Variants in PARP8 observed in about 807,000 individuals in gnomAD.
The protein encoded by PARP8 is protein mono-ADP-ribosyltransferase PARP8.
A neutral mutation model predicts 124.1 loss-of-function variants in PARP8; 51 were observed. The observed-to-expected ratio is 0.41, with a 90% CI of 0.33 to 0.52. The LOEUF is 0.52. Ranked by LOEUF, PARP8 falls within the 20% of genes least tolerant of loss-of-function variation. PARP8 has a pLI of 0.21. For missense variants in PARP8, 860 were observed against 1,018.9 expected, an observed-to-expected ratio of 0.84 and a Z score of 2.12; for synonymous variants, 391 against 361.5, an observed-to-expected ratio of 1.08 and a Z score of -0.93.
chr5:50,758,719 C>T (rs1459825051), intron 3 of PARP8, among the ~76,000 whole-genome samples: 1 of 151,944 alleles, frequency 6.6e-6, no homozygotes, highest in Non-Finnish European at 1.5e-5. Context: ...AAGTGTGGGT[C>T]AAAAAGCTCT....
At chr5:50,776,289 C>G (rs1009274619) in intron 7 of PARP8, among the ~76,000 whole-genome samples, 1 of 152,080 alleles carries the variant, frequency 6.6e-6, no homozygotes, top group African/African-American at 2.4e-5. Flanking sequence ...ATTCAGTTTG[C>G]TAGTATTTTG....
Position 50,826,817 on chromosome 5 carries a change from T to G in PARP8, c.1977+14T>G. The stretch of plus-strand genomic sequence containing the variant: ...CCAGTTAACAGGGTAAGTTGTTTTT[T>G]TTTTTTTTACATATGCATACAGAAA... On this transcript the variant is annotated intron_variant, in intron 19 of 25. Transcript: ENST00000281631. The G allele has an allele frequency of 6.3e-7, 1 of 1,592,244 alleles. No homozygotes were observed. The highest frequency in any genetic ancestry group is 2.3e-5 in the East Asian group (1 of 44,054).
intron 2 of PARP8, among the ~76,000 whole-genome samples, chr5:50,716,254 G>T (rs1755305946): frequency 6.6e-6 from 1 of 152,090 alleles, no homozygotes; most frequent in African/African-American, 2.4e-5. Context: ...TTACAAGTGA[G>T]ATAATAATTA....
intron 2 of PARP8, among the ~76,000 whole-genome samples, chr5:50,703,704 AT>A: frequency 6.6e-6 from 1 of 152,070 alleles, no homozygotes; most frequent in Non-Finnish European, 1.5e-5. Context: ...AACTCTATAC[AT>A]TCGTTTTCCA....
chr5:50,754,175 A>T (rs1469913211), intron 3 of PARP8, among the ~76,000 whole-genome samples: 1 of 30,776 alleles, frequency 3.2e-5, no homozygotes, highest in Non-Finnish European at 9.0e-5. Flanking sequence ...ACACACACAC[A>T]CACACATATA....
At chr5:50,697,731 A>G (rs1035053079) in intron 2 of PARP8, among the ~76,000 whole-genome samples, 14 of 152,140 alleles carry the variant, frequency 9.2e-5, no homozygotes, top group Non-Finnish European at 1.6e-4. Flanking sequence ...GCTGGCCTTG[A>G]ACTCATGGCC....
chr5:50,791,722 C>T (rs1741979986), intron 10 of PARP8, among the ~76,000 whole-genome samples: 1 of 152,082 alleles, frequency 6.6e-6, no homozygotes, highest in South Asian at 2.1e-4. Flanking sequence ...CTGCACTGAT[C>T]AAACCTTAGT....
At chr5:50,717,205 C>T (rs1473471969) in intron 2 of PARP8, among the ~76,000 whole-genome samples, 1 of 151,762 alleles carries the variant, frequency 6.6e-6, no homozygotes. Context: ...AGTTAACAGT[C>T]TTGGGGGAGG....
intron 2 of PARP8, among the ~76,000 whole-genome samples, chr5:50,720,312 A>G (rs535546061): frequency 6.6e-6 from 1 of 151,994 alleles, no homozygotes; most frequent in Non-Finnish European, 1.5e-5. Flanking sequence ...GCTGCACATC[A>G]CAGTTTGTTG....
rs183110442 is a variant in PARP8, at chr5:50,687,805, A to G, written c.146+19680A>G. ...TGTCACGAAAGCAGCACCAGAAGGA[A>G]CTGCCCCCATGATTCAATTACCTCC... On this transcript the variant is annotated intron_variant, in intron 2 of 25. Transcript: ENST00000281631. Among the ~76,000 whole-genome samples the G allele has an allele frequency of 2.0e-3, 300 of 152,256 alleles. 1 individual carries two copies. The highest frequency in any genetic ancestry group is 6.8e-3 in the Middle Eastern group (2 of 294).
chr5:50,731,630 A>G (rs975635584), intron 2 of PARP8, among the ~76,000 whole-genome samples: 1 of 152,186 alleles, frequency 6.6e-6, no homozygotes, highest in Non-Finnish European at 1.5e-5. Context: ...TCGTTGGGAA[A>G]GCATGAGGTA....
chr5:50,820,351 C>T (rs1745616973), intron 15 of PARP8, among the ~76,000 whole-genome samples: 1 of 152,164 alleles, frequency 6.6e-6, no homozygotes, highest in Non-Finnish European at 1.5e-5. Flanking sequence ...TGTGTTCACA[C>T]TGTAGATATG....
At chr5:50,794,723 C>A in intron 11 of PARP8, 130 bp from the exon 12 acceptor site, 1 of 821,678 alleles carries the variant, frequency 1.2e-6, no homozygotes, top group Non-Finnish European at 1.9e-6. Context: ...TCAGTTTTGA[C>A]TGGGTAGGCT....
In PARP8 at chr5:50,846,057, T is replaced by C. The variant is rs1160759723; in HGVS notation, c.*3989T>C. 6.6e-6 allele frequency: 1 copy of C among 151,782 alleles called. No homozygotes were observed. The highest frequency in any genetic ancestry group is 1.5e-5 in the Non-Finnish European group (1 of 67,806). The allele number at this position is 151,782 out of a possible 1,614,324, so 9.4% of individuals were successfully genotyped here. A position where few individuals can be genotyped will look rare whatever the true frequency, so the allele number is the denominator to read the frequency against. On this transcript the variant is annotated 3_prime_UTR_variant, in exon 26 of 26. Coordinates refer to ENST00000281631, the MANE Select transcript of PARP8 (RefSeq NM_024615.4). Reference sequence around the variant, plus strand: ...GAAAAAAGCTGTGTTGACGAATAGATTACATTTCACATTTACCAGCAAGTC... The same window carrying C: ...GAAAAAAGCTGTGTTGACGAATAGACTACATTTCACATTTACCAGCAAGTC...
At chr5:50,809,097 G>C (rs1277755532) in intron 14 of PARP8, among the ~76,000 whole-genome samples, 4 of 151,950 alleles carry the variant, frequency 2.6e-5, no homozygotes, top group Non-Finnish European at 5.9e-5. Context: ...GAGACAAATA[G>C]AGACTACTGC....
At chr5:50,738,781 G>C (rs1234157253) in intron 2 of PARP8, among the ~76,000 whole-genome samples, 1 of 151,850 alleles carries the variant, frequency 6.6e-6, no homozygotes, top group East Asian at 1.9e-4. Context: ...TTACAAACTT[G>C]TGTTGAGTTG....
chr5:50,823,070 A>G (rs1481104873), intron 17 of PARP8, among the ~76,000 whole-genome samples: 1 of 152,228 alleles, frequency 6.6e-6, no homozygotes, highest in East Asian at 1.9e-4. Context: ...TCTGAGATTG[A>G]CAACGCACAT....
Position 50,833,989 on chromosome 5 carries a change from A to C in PARP8, c.2318A>C (p.Lys773Thr). 1 of 1,612,230 alleles carries C rather than the reference A, an allele frequency of 6.2e-7. No individual in the cohort carries two copies. ...GTTTTTGGAATTTAGTCACAGAAAA[A>C]AGGACAGCAATCCCAATTCCTGCAA... ...KSSNTSQSQK[K>T]GQQSQFLQSR... Residue 773 changes from lysine (K) to threonine (T), a missense_variant, in exon 24 of 26, where the codon AAA becomes ACA. This residue lies in a region of PARP8 where 343 missense variants were observed against 474.7 expected (regional missense o/e 0.72). Coordinates refer to ENST00000281631, the MANE Select transcript of PARP8 (RefSeq NM_024615.4).
intron 22 of PARP8, among the ~76,000 whole-genome samples, chr5:50,831,338 A>C (rs939595104): frequency 2.0e-5 from 3 of 152,122 alleles, no homozygotes; most frequent in Admixed American, 6.5e-5. Flanking sequence ...TTAGCCCCTC[A>C]AAGTATCCAC....
Sources: allele counts gnomAD v4.1 joint callset (sites outside exome capture counted in the v4.1 genomes callset), GRCh38; gene constraint gnomAD v4.1.1; regional missense constraint gnomAD v4.1.1; transcripts MANE v1.5; gene names NCBI Gene and HGNC (gene_info 2026-07-23, HGNC 2026-07-21).